The following GSK3B variants were observed in gnomAD, a reference collection of about 807,000 sequenced individuals.
GSK3B encodes the protein glycogen synthase kinase-3 beta.
A neutral mutation model predicts 56.4 loss-of-function variants in GSK3B; 15 were observed. The ratio of observed to expected loss-of-function variants is 0.27; its 90% confidence interval spans 0.18 to 0.41. GSK3B has a LOEUF of 0.41. Ranked by LOEUF, GSK3B falls within the 10% of genes least tolerant of loss-of-function variation. The probability of loss-of-function intolerance (pLI) is 1.00; values close to 1 mark genes in which losing one functional copy is unlikely to be tolerated. For missense variants in GSK3B, 300 were observed against 513.4 expected (o/e 0.58, Z 4.02); for synonymous variants, 181 against 188.9 (o/e 0.96, Z 0.34).
chr3:119,981,976 C>T lies in GSK3B; in HGVS notation c.282+20070G>A, dbSNP rs763791349. ...AGACACCTCATATAGGCAGCTGCCC[C>T]GCTGTGACGAAGCTTCCAGAGGAAG... On this transcript the variant is annotated intron_variant, in intron 2 of 10. Coordinates refer to ENST00000264235, the MANE Select transcript of GSK3B (RefSeq NM_001146156.2). Among the ~76,000 whole-genome samples, 6 of 152,306 alleles carry T rather than the reference C, an allele frequency of 3.9e-5. No individual in the cohort carries two copies. In the East Asian group the frequency reaches 7.7e-4, roughly 20 times the overall value.
chr3:119,958,661 G>T (rs1296647654), intron 2 of GSK3B, among the ~76,000 whole-genome samples: 6 of 152,010 alleles, frequency 3.9e-5, no homozygotes, highest in Admixed American at 3.3e-4. Flanking sequence ...CTGGGTAACA[G>T]GGTGAGACCC....
chr3:119,951,828 T>C (rs539629951), intron 2 of GSK3B, among the ~76,000 whole-genome samples: 3 of 152,034 alleles, frequency 2.0e-5, no homozygotes, highest in Non-Finnish European at 4.4e-5. Context: ...AAATGACAAT[T>C]GCACAACACA....
intron 9 of GSK3B, among the ~76,000 whole-genome samples, chr3:119,852,854 T>G (rs1323347837): frequency 1.3e-5 from 2 of 152,202 alleles, no homozygotes; most frequent in Non-Finnish European, 2.9e-5. Context: ...TTGCAAAAAT[T>G]TTCTCCCATT....
chr3:119,844,922 G>A (rs2055834770), intron 9 of GSK3B, among the ~76,000 whole-genome samples: 1 of 152,054 alleles, frequency 6.6e-6, no homozygotes, highest in Non-Finnish European at 1.5e-5. Flanking sequence ...ATAAAATACT[G>A]GCAAACCGAA....
chr3:119,962,145 G>C (rs1235023926), intron 2 of GSK3B, among the ~76,000 whole-genome samples: 1 of 152,180 alleles, frequency 6.6e-6, no homozygotes, highest in Non-Finnish European at 1.5e-5. Flanking sequence ...GGAGGCTGAG[G>C]CAGGTGGATC....
intron 1 of GSK3B, among the ~76,000 whole-genome samples, chr3:120,081,162 C>T (rs933839044): frequency 6.6e-6 from 1 of 151,968 alleles, no homozygotes; most frequent in Non-Finnish European, 1.5e-5. Flanking sequence ...CCAAAGATTT[C>T]AGAGCCACTC....
chr3:120,019,967 A>G (rs1432573984), intron 1 of GSK3B, among the ~76,000 whole-genome samples: 6 of 152,230 alleles, frequency 3.9e-5, no homozygotes, highest in African/African-American at 1.2e-4. Flanking sequence ...CATATTTACT[A>G]AACTTACTAT....
At chr3:120,029,157 T>C (rs565069330) in intron 1 of GSK3B, 125 of 690,534 alleles carry the variant, frequency 1.8e-4, no homozygotes, top group African/African-American at 1.6e-3. Context: ...ACGGTTGGGA[T>C]AGCATAAGAT....
Position 120,002,245 on chromosome 3 carries a change from G to A in GSK3B, c.89-6C>T. 4.0e-6 allele frequency: 6 copies of A among 1,501,470 alleles called. No individual in the cohort carries two copies. The highest frequency in any genetic ancestry group is 1.4e-5 in the African/African-American group (1 of 69,618). The allele number at this position is 1,501,470 out of a possible 1,614,324, so 93.0% of individuals were successfully genotyped here. A position where few individuals can be genotyped will look rare whatever the true frequency, so the allele number is the denominator to read the frequency against. On this transcript the variant is annotated splice_polypyrimidine_tract_variant and splice_region_variant and intron_variant, in intron 1 of 10. Transcript: ENST00000264235. ...CTTGCTGCCGTCCTTGTCTCCTAAA[G>A]GAAGAAAGGAAATTTTTTTTTCACG... is the stretch of plus-strand genomic sequence containing the variant.
At chr3:119,857,363 A>T (rs1365851622) in intron 9 of GSK3B, among the ~76,000 whole-genome samples, 4 of 152,170 alleles carry the variant, frequency 2.6e-5, no homozygotes, top group African/African-American at 4.8e-5. Context: ...AAACCCTGTC[A>T]CCGCTTTCAA....
intron 1 of GSK3B, among the ~76,000 whole-genome samples, chr3:120,035,888 T>G (rs2058018627): frequency 6.6e-6 from 1 of 152,208 alleles, no homozygotes; most frequent in Admixed American, 6.5e-5. Flanking sequence ...TTTAGCAAAT[T>G]TCTTAGGATG....
At chr3:120,078,058 G>A (rs565294481) in intron 1 of GSK3B, among the ~76,000 whole-genome samples, 1 of 152,228 alleles carries the variant, frequency 6.6e-6, no homozygotes, top group African/African-American at 2.4e-5. Flanking sequence ...AGCTGAATCT[G>A]AATTCTAAAA....
chr3:119,986,515 G>A (rs940206030), intron 2 of GSK3B, among the ~76,000 whole-genome samples: 2 of 151,240 alleles, frequency 1.3e-5, no homozygotes, highest in African/African-American at 4.8e-5. Flanking sequence ...ATCATAAAGT[G>A]GGCAACAGAT....
At chr3:119,946,813 C>T (rs1200000911) in intron 3 of GSK3B, among the ~76,000 whole-genome samples, 1 of 152,120 alleles carries the variant, frequency 6.6e-6, no homozygotes, top group African/African-American at 2.4e-5. Flanking sequence ...TTTTCACTGG[C>T]CAAGGATGGC....
At chr3:119,886,105 C>T (rs1576174402) in intron 7 of GSK3B, among the ~76,000 whole-genome samples, 1 of 152,076 alleles carries the variant, frequency 6.6e-6, no homozygotes, top group Non-Finnish European at 1.5e-5. Flanking sequence ...AAACAGACAA[C>T]TTACAGAATT....
intron 9 of GSK3B, among the ~76,000 whole-genome samples, chr3:119,845,837 A>G (rs949867780): frequency 6.6e-6 from 1 of 152,242 alleles, no homozygotes; most frequent in Non-Finnish European, 1.5e-5. Context: ...TGGAACCAAA[A>G]AAGAGCCCGT....
intron 2 of GSK3B, among the ~76,000 whole-genome samples, chr3:119,971,858 G>C (rs978352660): frequency 1.3e-5 from 2 of 151,654 alleles, no homozygotes; most frequent in Non-Finnish European, 2.9e-5. Flanking sequence ...TGATCCGCCC[G>C]CCTCGGCCTC....
intron 1 of GSK3B, among the ~76,000 whole-genome samples, chr3:120,025,752 T>C (rs899529577): frequency 2.0e-5 from 3 of 152,134 alleles, no homozygotes; most frequent in Non-Finnish European, 2.9e-5. Flanking sequence ...TAAAAGTTAG[T>C]CAACCTAAAA....
At chr3:120,014,268 A>G (rs1490737963) in intron 1 of GSK3B, among the ~76,000 whole-genome samples, 3 of 152,044 alleles carry the variant, frequency 2.0e-5, no homozygotes, top group East Asian at 3.8e-4. Flanking sequence ...CTTTGTCTCT[A>G]TTTATTTTTA....
Sources: gnomAD v4.1 joint callset for allele counts (sites outside exome capture counted in the v4.1 genomes callset) on GRCh38, gnomAD v4.1.1 for gene constraint, MANE v1.5 for transcripts, NCBI Gene and HGNC (gene_info 2026-07-23, HGNC 2026-07-21) for gene names.